Variants in AKT3 observed in about 807,000 individuals in gnomAD.
The protein encoded by AKT3 is AKT serine/threonine kinase 3, also known as RAC-gamma serine/threonine-protein kinase.
A neutral mutation model predicts 65.3 loss-of-function variants in AKT3; 15 were observed. The observed-to-expected ratio is 0.23, with a 90% CI of 0.15 to 0.35. AKT3 has a LOEUF of 0.35. Among genes scored for constraint, AKT3 ranks in the 10% least tolerant of loss-of-function variants. The probability of loss-of-function intolerance (pLI) is 1.00; values close to 1 mark genes in which losing one functional copy is unlikely to be tolerated. For synonymous variants in AKT3, 206 were observed against 183.8 expected (o/e 1.12, Z -0.98); for missense variants, 243 against 576.5 (o/e 0.42, Z 5.92).
rs1695707730 is a variant in AKT3, at chr1:243,850,143, C to G, written c.-216G>C. On this transcript the variant is annotated 5_prime_UTR_variant, in exon 1 of 14. Transcript: ENST00000673466. Reference sequence around the variant, plus strand: ...GGAGGAGAGGGGGCGACTCGGGGGTCCCCCCTCCCTCCTCCTCCCCTCCTG... The same window carrying G: ...GGAGGAGAGGGGGCGACTCGGGGGTGCCCCCTCCCTCCTCCTCCCCTCCTG... 1.3e-5 allele frequency: 2 copies of G among 159,474 alleles called. No individual in the cohort carries two copies. Among genetic ancestry groups the G allele is most frequent in the Non-Finnish European group, 2.5e-5 (2 of 79,174 alleles). The allele number at this position is 159,474 out of a possible 1,614,324, so 9.9% of individuals were successfully genotyped here.
chr1:243,625,390 C>G (rs1351017248), intron 6 of AKT3, among the ~76,000 whole-genome samples: 2 of 151,802 alleles, frequency 1.3e-5, no homozygotes, highest in East Asian at 3.9e-4. Flanking sequence ...GACTTGGCCT[C>G]CCAACGTACT....
At chr1:243,523,921 G>T (rs1670883373) in intron 12 of AKT3, among the ~76,000 whole-genome samples, 1 of 149,480 alleles carries the variant, frequency 6.7e-6, no homozygotes, top group Non-Finnish European at 1.5e-5. Context: ...GTCACTTAAT[G>T]ACAGGGGTCT....
At chr1:243,713,120 G>T (rs550670673) in intron 2 of AKT3, among the ~76,000 whole-genome samples, 38 of 152,284 alleles carry the variant, frequency 2.5e-4, no homozygotes, top group South Asian at 6.2e-4. Context: ...GTTTAAAATA[G>T]TTTATGTGCC....
chr1:243,696,150 T>C (rs1282596262), intron 2 of AKT3, among the ~76,000 whole-genome samples: 2 of 151,928 alleles, frequency 1.3e-5, no homozygotes, highest in East Asian at 3.9e-4. Flanking sequence ...TGTGTCTTTT[T>C]TTTTTCAAAA....
rs577770619 is a variant in AKT3 at position 243,540,630 on chromosome 1, CA to C, written c.1251+4879del. Among the ~76,000 whole-genome samples, 338 of 152,184 alleles carry C rather than the reference CA, an allele frequency of 2.2e-3. 1 individual carries two copies. Among genetic ancestry groups the C allele is most frequent in the African/African-American group, 7.9e-3 (329 of 41,530 alleles). On this transcript the variant is annotated intron_variant, in intron 12 of 13. Coordinates refer to ENST00000673466, the MANE Select transcript of AKT3 (RefSeq NM_005465.7). ...CAAAACAAAGAAATTAACATCAGTGCAATACTATTAACTAAACTACCAACTT... is the reference window on the plus strand; with the variant it reads ...CAAAACAAAGAAATTAACATCAGTGCATACTATTAACTAAACTACCAACTT...
chr1:243,543,411 T>A (rs551736730), intron 12 of AKT3, among the ~76,000 whole-genome samples: 1 of 152,084 alleles, frequency 6.6e-6, no homozygotes, highest in Admixed American at 6.6e-5. Context: ...CAGGGCCACA[T>A]TGGTACCTCA....
At position 243,594,586 on chromosome 1, in the gene AKT3, T is replaced by A. The variant is rs531556704; in HGVS notation, c.696+19085A>T. Among the ~76,000 whole-genome samples, 190 of 152,274 alleles carry A rather than the reference T, an allele frequency of 1.2e-3. 1 individual carries two copies. The highest frequency in any genetic ancestry group is 4.4e-3 in the African/African-American group (181 of 41,554). The stretch of plus-strand genomic sequence containing the variant: ...GACCCATATGTGTGACAAACTGATT[T>A]TCAACAGAGGTACCCAAGTCACACA... On this transcript the variant is annotated intron_variant, in intron 8 of 13. Transcript: ENST00000673466.
chr1:243,848,141 C>T (rs550751708), intron 1 of AKT3, among the ~76,000 whole-genome samples: 1 of 152,264 alleles, frequency 6.6e-6, no homozygotes, highest in South Asian at 2.1e-4. Context: ...TTTGTCCTCC[C>T]TCACTTTAAA....
At chr1:243,491,917 G>T (rs1426499286) in intron 13 of AKT3, among the ~76,000 whole-genome samples, 1 of 152,160 alleles carries the variant, frequency 6.6e-6, no homozygotes, top group Non-Finnish European at 1.5e-5. Context: ...AATTTTGCAT[G>T]TCAAACTCTA....
chr1:243,534,117 A>T (rs559299099), intron 12 of AKT3, among the ~76,000 whole-genome samples: 1 of 152,344 alleles, frequency 6.6e-6, no homozygotes, highest in South Asian at 2.1e-4. Flanking sequence ...AAAAAACAAG[A>T]TCTAACTATA....
chr1:243,489,939 A>G (rs1253780535), intron 13 of AKT3, among the ~76,000 whole-genome samples: 1 of 152,176 alleles, frequency 6.6e-6, no homozygotes, highest in Non-Finnish European at 1.5e-5. Context: ...CCTGTCAGAG[A>G]GGCTGTGCAT....
At chr1:243,543,258 T>C (rs564149690) in intron 12 of AKT3, among the ~76,000 whole-genome samples, 2 of 152,140 alleles carry the variant, frequency 1.3e-5, no homozygotes, top group African/African-American at 4.8e-5. Flanking sequence ...GGTATACTGG[T>C]TGGGCTCTCA....
intron 2 of AKT3, among the ~76,000 whole-genome samples, chr1:243,841,394 TAAAGTA>T (rs1318768750): frequency 6.6e-6 from 1 of 152,112 alleles, no homozygotes; most frequent in African/African-American, 2.4e-5. Flanking sequence ...TAGAGATTAG[TAAAGTA>T]AAACTCAAAA....
chr1:243,524,217 A>G (rs934234636), intron 12 of AKT3, among the ~76,000 whole-genome samples: 12 of 152,244 alleles, frequency 7.9e-5, no homozygotes, highest in Non-Finnish European at 1.3e-4. Context: ...AAGCATCATT[A>G]TGTTGTGCAT....
At chr1:243,666,896 A>G (rs1276337556) in intron 3 of AKT3, among the ~76,000 whole-genome samples, 1 of 152,172 alleles carries the variant, frequency 6.6e-6, no homozygotes, top group African/African-American at 2.4e-5. Flanking sequence ...TGAGATGAGA[A>G]AACACAAAAA....
chr1:243,832,986 G>A (rs140660150), intron 2 of AKT3, among the ~76,000 whole-genome samples: 10 of 152,206 alleles, frequency 6.6e-5, no homozygotes, highest in South Asian at 6.2e-4. Context: ...GAGGCCGGGC[G>A]CAGTGGCTCA....
intron 1 of AKT3, among the ~76,000 whole-genome samples, chr1:243,845,340 T>C (rs543348702): frequency 1.6e-5 from 1 of 61,054 alleles, no homozygotes; most frequent in East Asian, 4.8e-4. Context: ...AAAGGGATAT[T>C]AGTTTGTAAT....
At chr1:243,557,600 T>A (rs1375743077) in intron 10 of AKT3, among the ~76,000 whole-genome samples, 1 of 151,920 alleles carries the variant, frequency 6.6e-6, no homozygotes, top group East Asian at 1.9e-4. Flanking sequence ...ACCCAGAAAA[T>A]CATATAAAAT....
intron 3 of AKT3, among the ~76,000 whole-genome samples, chr1:243,667,151 T>C (rs1682844481): frequency 6.6e-5 from 10 of 152,222 alleles, no homozygotes; most frequent in Admixed American, 6.5e-4. Flanking sequence ...CATGAACTAC[T>C]GTAAGTGGGA....
Sources: gnomAD v4.1 joint callset for allele counts (sites outside exome capture counted in the v4.1 genomes callset) on GRCh38, gnomAD v4.1.1 for gene constraint, MANE v1.5 for transcripts, NCBI Gene and HGNC (gene_info 2026-07-23, HGNC 2026-07-21) for gene names.